The following ATG10 variants were observed in gnomAD, a reference collection of about 807,000 sequenced individuals.
ATG10 encodes ubiquitin-like-conjugating enzyme ATG10.
ATG10 carries 30 observed loss-of-function variants against 32.1 expected under a neutral mutation model. That is an observed-to-expected ratio of 0.94 (90% CI 0.70 to 1.27). ATG10 has a LOEUF of 1.27. ATG10 is among the 50% of genes most tolerant of loss of function. ATG10 has a pLI of 0.00. For missense variants in ATG10, 233 were observed against 262.3 expected (o/e 0.89, Z 0.77); for synonymous variants, 87 against 91.5 (o/e 0.95, Z 0.28).
intron 5 of ATG10, among the ~76,000 whole-genome samples, chr5:82,234,126 C>G (rs1746467328): frequency 6.6e-6 from 1 of 152,170 alleles, no homozygotes; most frequent in Non-Finnish European, 1.5e-5. Flanking sequence ...TGCCAACATT[C>G]TGTGTCCGGT....
chr5:82,118,384 G>GTGTATATA (rs1765902949), intron 3 of ATG10, among the ~76,000 whole-genome samples: 1 of 18,774 alleles, frequency 5.3e-5, no homozygotes, highest in South Asian at 1.9e-3. Flanking sequence ...TATAATATAT[G>GTGTATATA]TACATATATA....
chr5:82,004,779 G>T (rs575437662), intron 2 of ATG10, among the ~76,000 whole-genome samples: 17 of 152,284 alleles, frequency 1.1e-4, no homozygotes, highest in Admixed American at 5.2e-4. Flanking sequence ...GTGTCAACTT[G>T]CTATGAACGT....
At chr5:81,983,196 C>T (rs1224382418) in intron 1 of ATG10, among the ~76,000 whole-genome samples, 2 of 150,800 alleles carry the variant, frequency 1.3e-5, no homozygotes, top group Non-Finnish European at 3.0e-5. Context: ...ATCCCCCCAC[C>T]TCCCTCCCGG....
intron 2 of ATG10, among the ~76,000 whole-genome samples, chr5:82,043,638 T>C (rs529709005): frequency 6.6e-6 from 1 of 152,354 alleles, no homozygotes; most frequent in African/African-American, 2.4e-5. Context: ...CATATGAGCA[T>C]AGAATTTTAG....
At chr5:82,050,826 A>G (rs1189817912) in intron 2 of ATG10, among the ~76,000 whole-genome samples, 1 of 127,058 alleles carries the variant, frequency 7.9e-6, no homozygotes, top group Non-Finnish European at 1.6e-5. Context: ...ACATAGCAAG[A>G]CCCCATCTCT....
chr5:82,183,774 T>G (rs985209772), intron 5 of ATG10, among the ~76,000 whole-genome samples: 1 of 152,208 alleles, frequency 6.6e-6, no homozygotes, highest in Non-Finnish European at 1.5e-5. Flanking sequence ...ATTCTTTCCC[T>G]TTGTGAGCTA....
intron 3 of ATG10, among the ~76,000 whole-genome samples, chr5:82,139,646 C>T (rs1241763043): frequency 6.7e-6 from 1 of 149,014 alleles, no homozygotes; most frequent in Non-Finnish European, 1.5e-5. Flanking sequence ...CTCCGCCCAG[C>T]AGCCACCCCA....
chr5:82,203,396 C>T (rs181972501), intron 5 of ATG10, among the ~76,000 whole-genome samples: 1 of 152,124 alleles, frequency 6.6e-6, no homozygotes, highest in Non-Finnish European at 1.5e-5. Flanking sequence ...TGACTTACCC[C>T]CAAAGAGGTT....
At chr5:82,178,364 A>G in intron 4 of ATG10, 126 bp from the exon 5 acceptor site, 1 of 606,766 alleles carries the variant, frequency 1.6e-6, no homozygotes, top group South Asian at 2.2e-5. Context: ...CTCTTGATAT[A>G]TAAATAGCAT....
chr5:82,140,000 C>T (rs1344700554), intron 3 of ATG10, among the ~76,000 whole-genome samples: 25 of 128,230 alleles, frequency 1.9e-4, no homozygotes, highest in East Asian at 5.0e-4. Flanking sequence ...CGCCTCTGCC[C>T]GGCCGCCCCT....
In ATG10 at chr5:82,217,078, G is replaced by A. The variant is rs538567969; in HGVS notation, c.454-35484G>A. On this transcript the variant is annotated intron_variant, in intron 5 of 7. Coordinates refer to ENST00000282185, the MANE Select transcript of ATG10 (RefSeq NM_031482.5). The stretch of plus-strand genomic sequence containing the variant: ...TCAAAAAAAAAAAATGACGATGGTA[G>A]CAACAACTATCTTCTCTTTTTACTT... Among the ~76,000 whole-genome samples, 67 of 151,746 alleles carry A rather than the reference G, an allele frequency of 4.4e-4. 1 individual carries two copies. The highest frequency in any genetic ancestry group is 1.2e-4 in the Non-Finnish European group (8 of 67,904).
chr5:82,119,222 A>G (rs1180271735), intron 3 of ATG10, among the ~76,000 whole-genome samples: 1 of 152,216 alleles, frequency 6.6e-6, no homozygotes, highest in African/African-American at 2.4e-5. Flanking sequence ...TTCTACTTTT[A>G]AATGCAGTGT....
chr5:82,043,510 C>T lies in ATG10; in HGVS notation c.109-14985C>T, dbSNP rs564677381. ...TTTCTGCAGCTGGCTTGAATTCTTC[C>T]GTGGAAAATGGGTTTTTCTTTTCTA... On this transcript the variant is annotated intron_variant, in intron 2 of 7. Transcript: ENST00000282185. Among the ~76,000 whole-genome samples, 10 of 152,312 alleles carry T rather than the reference C, an allele frequency of 6.6e-5. No homozygotes were observed. The East Asian group carries it at 9.6e-4, about 15-fold the overall frequency.
At chr5:82,046,338 CT>C (rs1408071239) in intron 2 of ATG10, among the ~76,000 whole-genome samples, 2 of 152,098 alleles carry the variant, frequency 1.3e-5, no homozygotes, top group East Asian at 1.9e-4. Context: ...TCCAATACGA[CT>C]GGTATCTTTA....
intron 5 of ATG10, among the ~76,000 whole-genome samples, chr5:82,193,687 A>G (rs750901412): frequency 6.6e-6 from 1 of 152,238 alleles, no homozygotes; most frequent in Non-Finnish European, 1.5e-5. Context: ...AAATAAGTTT[A>G]AGGGTGAGTT....
intron 2 of ATG10, among the ~76,000 whole-genome samples, chr5:82,044,097 T>C (rs1441145155): frequency 6.6e-6 from 1 of 152,116 alleles, no homozygotes; most frequent in East Asian, 1.9e-4. Context: ...TATAAAGAAA[T>C]GAGGCTTAAT....
chr5:82,150,201 C>T (rs1767534772), intron 3 of ATG10, among the ~76,000 whole-genome samples: 6 of 151,116 alleles, frequency 4.0e-5, no homozygotes, highest in Admixed American at 4.0e-4. Flanking sequence ...GACAACTTCT[C>T]AATTCATTTA....
chr5:82,016,283 T>C (rs986097347), intron 2 of ATG10, among the ~76,000 whole-genome samples: 3 of 152,190 alleles, frequency 2.0e-5, no homozygotes, highest in African/African-American at 7.2e-5. Flanking sequence ...GAGGATCCAC[T>C]TTGATTCTTT....
chr5:82,007,091 A>G (rs1234727767), intron 2 of ATG10, among the ~76,000 whole-genome samples: 1 of 152,108 alleles, frequency 6.6e-6, no homozygotes, highest in African/African-American at 2.4e-5. Context: ...TGACCTCGTG[A>G]TCTGCCCACC....
Sources: gnomAD v4.1 joint callset for allele counts (sites outside exome capture counted in the v4.1 genomes callset) on GRCh38, gnomAD v4.1.1 for gene constraint, MANE v1.5 for transcripts, NCBI Gene and HGNC (gene_info 2026-07-23, HGNC 2026-07-21) for gene names.